PSIP1: variants seen among roughly 807,000 people sequenced by gnomAD.
The protein encoded by PSIP1 is PC4 and SRSF1 interacting protein 1.
Under a neutral mutation model 74.7 loss-of-function variants are expected in PSIP1, and 19 were observed. That is an observed-to-expected ratio of 0.25 (90% CI 0.18 to 0.37). PSIP1 has a LOEUF of 0.37. Ranked by LOEUF, PSIP1 falls within the 10% of genes least tolerant of loss-of-function variation. The probability of loss-of-function intolerance (pLI) is 1.00; values close to 1 mark genes in which losing one functional copy is unlikely to be tolerated. For synonymous variants in PSIP1, 222 were observed against 195.3 expected, an observed-to-expected ratio of 1.14 and a Z score of -1.14; for missense variants, 601 against 614.3, an observed-to-expected ratio of 0.98 and a Z score of 0.23.
At position 15,465,586 on chromosome 9, in the gene PSIP1, GA is replaced by G; in HGVS notation, c.1533-7del. On this transcript the variant is annotated splice_polypyrimidine_tract_variant and splice_region_variant and intron_variant, in intron 15 of 15. Transcript: ENST00000380733. ...CTCTCTCTTCACTGGATGGCCTGAA[GA>G]AAAGGGGGAAAGGTACAACTGGAAT... 6.4e-7 allele frequency: 1 copy of G among 1,566,456 alleles called. No homozygotes were observed. The highest frequency in any genetic ancestry group is 8.7e-7 in the Non-Finnish European group (1 of 1,143,490).
intron 4 of PSIP1, chr9:15,489,275 T>A (rs939463592): frequency 5.3e-5 from 8 of 152,158 alleles, no homozygotes; most frequent in African/African-American, 1.9e-4. Context: ...CATACCAATT[T>A]AACTCATGAG....
intron 14 of PSIP1, among the ~76,000 whole-genome samples, chr9:15,468,018 G>T (rs2035703125): frequency 6.6e-6 from 1 of 151,318 alleles, no homozygotes; most frequent in South Asian, 2.1e-4. Context: ...TACTCTGGAG[G>T]TTGAGGCAGG....
chr9:15,490,763 A>T (rs927920099), intron 3 of PSIP1, among the ~76,000 whole-genome samples: 1 of 152,032 alleles, frequency 6.6e-6, no homozygotes, highest in African/African-American at 2.4e-5. Context: ...ATTAGCATTA[A>T]TCAACACATT....
intron 3 of PSIP1, among the ~76,000 whole-genome samples, chr9:15,496,403 T>C (rs1203611861): frequency 1.3e-5 from 2 of 152,256 alleles, no homozygotes; most frequent in Non-Finnish European, 2.9e-5. Flanking sequence ...ATTGTATCAT[T>C]GCTTGCTCTT....
chr9:15,473,360 C>G (rs1309349962), intron 9 of PSIP1, among the ~76,000 whole-genome samples: 1 of 152,164 alleles, frequency 6.6e-6, no homozygotes, highest in African/African-American at 2.4e-5. Context: ...TTTGTCTTCA[C>G]TGGCCACAGC....
intron 8 of PSIP1, among the ~76,000 whole-genome samples, chr9:15,478,104 G>A (rs1394284300): frequency 6.8e-6 from 1 of 147,588 alleles, no homozygotes; most frequent in Non-Finnish European, 1.5e-5. Context: ...TCCAGCCTGG[G>A]CGACAGAGTG....
intron 6 of PSIP1, among the ~76,000 whole-genome samples, chr9:15,482,634 T>C (rs758314816): frequency 5.3e-5 from 8 of 152,170 alleles, no homozygotes; most frequent in Non-Finnish European, 1.5e-5. Flanking sequence ...CAACATGTAT[T>C]TACATAAAAT....
At chr9:15,504,736 CAAA>C (rs576748638) in intron 3 of PSIP1, among the ~76,000 whole-genome samples, 6 of 102,264 alleles carry the variant, frequency 5.9e-5, no homozygotes, top group Admixed American at 1.1e-4. Flanking sequence ...GACTCGGTCT[CAAA>C]AAAAAAAAAA....
chr9:15,479,732 A>T (rs781641800), intron 6 of PSIP1, 45 bp from the exon 7 acceptor site: 1 of 1,517,156 alleles, frequency 6.6e-7, no homozygotes, highest in Non-Finnish European at 9.1e-7. Flanking sequence ...AATAGTAGGC[A>T]CTCAAAGTTT....
In PSIP1 at chr9:15,464,585, G is replaced by A. The variant is rs1439126940; in HGVS notation, c.*935C>T. ...AATATAGCCATGATTTCAAATAGGTGAGTTTCCTTATATAACATTTATTCA... is the reference window on the plus strand; with the variant it reads ...AATATAGCCATGATTTCAAATAGGTAAGTTTCCTTATATAACATTTATTCA... On this transcript the variant is annotated 3_prime_UTR_variant, in exon 16 of 16. Transcript: ENST00000380733. 1 of 198,470 alleles carries A rather than the reference G, an allele frequency of 5.0e-6. No homozygotes were observed. The highest frequency in any genetic ancestry group is 1.0e-5 in the Non-Finnish European group (1 of 96,304). 12.3% of individuals were successfully genotyped at this position (198,470 alleles called of 1,614,324 possible).
chr9:15,509,969 G>A (rs1416263440), intron 2 of PSIP1, 148 bp downstream of exon 2: 9 of 681,546 alleles, frequency 1.3e-5, no homozygotes, highest in African/African-American at 1.3e-4. Flanking sequence ...AGATTATTGG[G>A]CAAAAAACTA....
chr9:15,468,388 T>G (rs772288114), intron 14 of PSIP1: 1 of 708,528 alleles, frequency 1.4e-6, no homozygotes, highest in Non-Finnish European at 2.6e-6. Context: ...TTATCCAGAG[T>G]CATCTGCCTC....
At chr9:15,473,927 C>CAAAAAAAAAAACA (rs768554289) in intron 9 of PSIP1, 82 bp downstream of exon 9, 2 of 514,856 alleles carry the variant, frequency 3.9e-6, no homozygotes, top group Admixed American at 5.3e-5. Flanking sequence ...AAAAAAAAAA[C>CAAAAAAAAAAACA]AAAAAAAAAA....
chr9:15,473,923 AAAAC>A (rs1046436352), intron 9 of PSIP1, 82 bp downstream of exon 9: 6 of 797,144 alleles, frequency 7.5e-6, no homozygotes, highest in Admixed American at 3.9e-5. Context: ...AACAAAAAAA[AAAAC>A]AAAAAAAAAA....
rs746939796 is a variant in PSIP1, at chr9:15,465,569, T to C, written c.1544A>G (p.Glu515Gly). Residue 515 changes from glutamate (E) to glycine (G), a missense_variant, in exon 16 of 16, where the codon GAA becomes GGA. Around this residue, in one of 2 missense-constraint regions of PSIP1, gnomAD observed 538 missense variants for 507.6 expected, o/e 1.06. Transcript: ENST00000380733. ...EASTKKKPSS[E>G]ERETEISLKD... is the part of the protein sequence containing the mutation. ...CAGAGATATTTCAGTCTCTCTCTCTTCACTGGATGGCCTGAAGAAAAGGGG... is the reference window on the plus strand; with the variant it reads ...CAGAGATATTTCAGTCTCTCTCTCTCCACTGGATGGCCTGAAGAAAAGGGG... The C allele has an allele frequency of 6.9e-6, 11 of 1,585,060 alleles. No individual in the cohort carries two copies. Among genetic ancestry groups the C allele is most frequent in the Middle Eastern group, 1.7e-4 (1 of 5,992 alleles).
chr9:15,474,275 A>C (rs774925039), intron 8 of PSIP1, 38 bp from the exon 9 acceptor site: 5 of 1,502,496 alleles, frequency 3.3e-6, no homozygotes, highest in Non-Finnish European at 4.5e-6. Flanking sequence ...CTTGTCATTC[A>C]ACTATAATAG....
At chr9:15,492,567 G>A (rs2036882299) in intron 3 of PSIP1, among the ~76,000 whole-genome samples, 2 of 152,132 alleles carry the variant, frequency 1.3e-5, no homozygotes, top group African/African-American at 4.8e-5. Flanking sequence ...TACCATTCTG[G>A]GGTCTGGAGG....
intron 3 of PSIP1, among the ~76,000 whole-genome samples, chr9:15,497,373 G>C (rs2037130662): frequency 7.2e-6 from 1 of 139,792 alleles, no homozygotes; most frequent in African/African-American, 3.0e-5. Context: ...ACTCAGGCTG[G>C]AGTGCAATGG....
At chr9:15,504,617 G>C (rs1174900483) in intron 3 of PSIP1, among the ~76,000 whole-genome samples, 1 of 151,864 alleles carries the variant, frequency 6.6e-6, no homozygotes, top group Non-Finnish European at 1.5e-5. Flanking sequence ...GGCACCTGTA[G>C]TCCCAGCTAC....
Sources: allele counts gnomAD v4.1 joint callset (sites outside exome capture counted in the v4.1 genomes callset), GRCh38; gene constraint gnomAD v4.1.1; regional missense constraint gnomAD v4.1.1; transcripts MANE v1.5; gene names NCBI Gene and HGNC (gene_info 2026-07-23, HGNC 2026-07-21).